The following PDE3B variants were observed in gnomAD, a reference collection of about 807,000 sequenced individuals.
PDE3B encodes the protein phosphodiesterase 3B.
In PDE3B, 66 loss-of-function variants were observed where a neutral mutation model predicts 116.8. The ratio of observed to expected loss-of-function variants is 0.56; its 90% CI spans 0.46 to 0.69. PDE3B has a LOEUF of 0.69. Ranked by LOEUF, PDE3B falls within the 30% of genes least tolerant of loss-of-function variation. The pLI, the probability that PDE3B is intolerant of heterozygous loss-of-function variation, is 0.00. For synonymous variants in PDE3B, 595 were observed against 533.6 expected, an observed-to-expected ratio of 1.12 and a Z score of -1.59; for missense variants, 1,384 against 1,368.1, an observed-to-expected ratio of 1.01 and a Z score of -0.18.
chr11:14,744,246 T>A (rs1409949359), intron 1 of PDE3B, among the ~76,000 whole-genome samples: 5 of 152,232 alleles, frequency 3.3e-5, no homozygotes. Flanking sequence ...TCCTTTCTAT[T>A]CTTTTTTCTT....
intron 1 of PDE3B, among the ~76,000 whole-genome samples, chr11:14,762,182 C>A (rs527636345): frequency 7.0e-4 from 106 of 151,622 alleles, no homozygotes; most frequent in African/African-American, 2.3e-3. Context: ...TGGGATCTCA[C>A]TGTATTGCCC....
intron 1 of PDE3B, among the ~76,000 whole-genome samples, chr11:14,646,325 G>A (rs1263560590): frequency 6.6e-6 from 1 of 152,066 alleles, no homozygotes; most frequent in African/African-American, 2.4e-5. Context: ...ATGACGTGTT[G>A]AACACTGATC....
At chr11:14,782,076 A>G (rs977161891) in intron 2 of PDE3B, among the ~76,000 whole-genome samples, 1 of 152,188 alleles carries the variant, frequency 6.6e-6, no homozygotes, top group African/African-American at 2.4e-5. Context: ...AAAGAGAATA[A>G]AATACCTAGG....
At chr11:14,756,659 G>A (rs1748366542) in intron 1 of PDE3B, among the ~76,000 whole-genome samples, 1 of 152,228 alleles carries the variant, frequency 6.6e-6, no homozygotes, top group Middle Eastern at 3.4e-3. Context: ...TGGATCTGAA[G>A]GGACAAATGG....
chr11:14,665,598 A>C (rs1476439034), intron 1 of PDE3B, among the ~76,000 whole-genome samples: 3 of 152,238 alleles, frequency 2.0e-5, no homozygotes, highest in Non-Finnish European at 2.9e-5. Context: ...ATGTACAAAA[A>C]TCACAAGCAT....
chr11:14,823,216 G>A (rs552335166), intron 7 of PDE3B, among the ~76,000 whole-genome samples: 5 of 152,162 alleles, frequency 3.3e-5, no homozygotes, highest in East Asian at 3.9e-4. Flanking sequence ...TACTGGAGCC[G>A]TCTCTCACCG....
In PDE3B at chr11:14,825,740, A is replaced by T. The variant is rs375862836; in HGVS notation, c.1808-4958A>T. 4.6e-5 allele frequency among the ~76,000 whole-genome samples: 7 copies of T among 152,334 alleles called. 1 individual carries two copies. The East Asian group carries it at 7.7e-4, about 17-fold the overall frequency. On this transcript the variant is annotated intron_variant, in intron 7 of 15. Transcript: ENST00000282096. ...ATTAGGTCACTGAGGCAGAAAATTA[A>T]CAAAGATATTCAGGACCTGAACTCA...
chr11:14,828,665 T>G (rs999693301), intron 7 of PDE3B, among the ~76,000 whole-genome samples: 4 of 152,174 alleles, frequency 2.6e-5, no homozygotes, highest in Non-Finnish European at 2.9e-5. Flanking sequence ...AAATAACAGA[T>G]GCTGGCGATG....
chr11:14,889,457 A>T, the PDE3B span, among the ~76,000 whole-genome samples: 1 of 152,234 alleles, frequency 6.6e-6, no homozygotes, highest in Non-Finnish European at 1.5e-5. Context: ...GGTGGTTATC[A>T]ACTAGATCTA....
intron 1 of PDE3B, among the ~76,000 whole-genome samples, chr11:14,667,409 A>G (rs1854200540): frequency 1.3e-5 from 2 of 151,584 alleles, no homozygotes; most frequent in African/African-American, 2.4e-5. Flanking sequence ...CATTGTGCAC[A>G]TGTACCCTAA....
At chr11:14,808,389 A>G (rs1252915186) in intron 5 of PDE3B, among the ~76,000 whole-genome samples, 1 of 152,252 alleles carries the variant, frequency 6.6e-6, no homozygotes, top group Non-Finnish European at 1.5e-5. Context: ...TATGTGAAAC[A>G]TGCAAAGATA....
At chr11:14,765,964 A>G (rs1158625787) in intron 1 of PDE3B, among the ~76,000 whole-genome samples, 2 of 151,514 alleles carry the variant, frequency 1.3e-5, no homozygotes, top group Non-Finnish European at 3.0e-5. Context: ...GTAAAATTTT[A>G]AAAGAGCTAC....
At chr11:14,696,005 T>C (rs2133811830) in intron 1 of PDE3B, among the ~76,000 whole-genome samples, 2 of 152,288 alleles carry the variant, frequency 1.3e-5, no homozygotes, top group East Asian at 3.9e-4. Flanking sequence ...CTGATTTATA[T>C]TCCTTTGAGT....
chr11:14,759,507 TCTG>T (rs1178767310), intron 1 of PDE3B, among the ~76,000 whole-genome samples: 1 of 152,088 alleles, frequency 6.6e-6, no homozygotes, highest in Admixed American at 6.6e-5. Context: ...GTAGGCCACT[TCTG>T]CTGCTGCATA....
intron 12 of PDE3B, among the ~76,000 whole-genome samples, chr11:14,854,441 C>T (rs1214192703): frequency 2.0e-5 from 3 of 152,146 alleles, no homozygotes; most frequent in Non-Finnish European, 2.9e-5. Context: ...TACATAGTTC[C>T]CACTCACTCA....
the PDE3B span, chr11:14,890,876 TTAAG>T: frequency 4.1e-6 from 4 of 985,368 alleles, no homozygotes; most frequent in Non-Finnish European, 4.8e-6. Context: ...AAAAATTGGT[TTAAG>T]TAAGGATTTA....
At chr11:14,703,417 CTT>C (rs1248841584) in intron 1 of PDE3B, among the ~76,000 whole-genome samples, 2 of 144,120 alleles carry the variant, frequency 1.4e-5, no homozygotes. Flanking sequence ...GTAGGGTTGT[CTT>C]TTTTTTTTTA....
rs1328135672 is a variant in PDE3B at position 14,767,891 on chromosome 11, TATC to T, written c.979-4043_979-4041del. On this transcript the variant is annotated intron_variant, in intron 1 of 15. Transcript: ENST00000282096. ...GTTTAAAATTTTATGTTTTTAAAAA[TATC>T]ATATATATATTTTTTTCGTGTATAC... Among the ~76,000 whole-genome samples, 18 of 151,314 alleles carry T rather than the reference TATC, an allele frequency of 1.2e-4. 1 individual carries two copies. The highest frequency in any genetic ancestry group is 7.9e-4 in the Admixed American group (12 of 15,142).
At chr11:14,674,140 C>G in intron 1 of PDE3B, 10 of 1,429,144 alleles carry the variant, frequency 7.0e-6, no homozygotes, top group Non-Finnish European at 8.9e-6. Context: ...AGGATCTACC[C>G]GGGTCCTTTT....
Sources: gnomAD v4.1 joint callset for allele counts (sites outside exome capture counted in the v4.1 genomes callset) on GRCh38, gnomAD v4.1.1 for gene constraint, MANE v1.5 for transcripts, NCBI Gene and HGNC (gene_info 2026-07-23, HGNC 2026-07-21) for gene names.